Variants in WIPF3 observed in about 807,000 individuals in gnomAD.
The protein encoded by WIPF3 is WAS/WASL-interacting protein family member 3.
Under a neutral mutation model 38.9 loss-of-function variants are expected in WIPF3, and 33 were observed. That is an observed-to-expected ratio of 0.85 (90% CI 0.64 to 1.14). The LOEUF is 1.14. Ranked by LOEUF, WIPF3 falls within the 50% of genes most tolerant of loss-of-function variation. The probability of loss-of-function intolerance (pLI) is 0.00; values close to 1 mark genes in which losing one functional copy is unlikely to be tolerated. For missense variants in WIPF3, 711 were observed against 652.5 expected, an observed-to-expected ratio of 1.09 and a Z score of -0.98; for synonymous variants, 324 against 269.3, an observed-to-expected ratio of 1.20 and a Z score of -1.99.
intron 3 of WIPF3, among the ~76,000 whole-genome samples, chr7:29,877,556 T>C (rs1785628501): frequency 6.6e-6 from 1 of 152,186 alleles, no homozygotes; most frequent in Admixed American, 6.5e-5. Context: ...TAAGTACTTA[T>C]GTGTGAAGAA....
At chr7:29,821,707 G>A (rs1784539390) in intron 1 of WIPF3, among the ~76,000 whole-genome samples, 2 of 152,106 alleles carry the variant, frequency 1.3e-5, no homozygotes, top group African/African-American at 4.8e-5. Context: ...TTTTACTCAG[G>A]AAAACCAGTT....
chr7:29,833,629 G>A (rs1403988610), intron 1 of WIPF3, among the ~76,000 whole-genome samples: 1 of 152,174 alleles, frequency 6.6e-6, no homozygotes, highest in Non-Finnish European at 1.5e-5. Context: ...GGCCTCTGTG[G>A]AGACAAGAAT....
intron 2 of WIPF3, among the ~76,000 whole-genome samples, chr7:29,856,766 C>T (rs912754073): frequency 2.6e-5 from 4 of 152,050 alleles, no homozygotes; most frequent in African/African-American, 9.7e-5. Context: ...TGGGATGATA[C>T]CCTTAGACAG....
intron 6 of WIPF3, 98 bp downstream of exon 6, chr7:29,888,315 C>T (rs1785928073): frequency 5.5e-6 from 8 of 1,444,820 alleles, no homozygotes; most frequent in Non-Finnish European, 7.4e-6. Context: ...GCTGCCATCT[C>T]AGGGTGCATG....
Position 29,884,125 on chromosome 7 carries a change from A to C in WIPF3, c.631A>C (p.Asn211His). ...VSPPGPLTKG[N>H]LPVVAPPVPC... ...CCCACCCGGCCCACTGACCAAAGGG[A>C]ACCTCCCGGTGGTTGCACCCCCCGT... The change falls in exon 5 of 9, where the codon AAC becomes CAC. Residue 211 changes from asparagine (N) to histidine (H), a missense_variant. Asn to His is a moderately conservative substitution (Grantham distance 68, BLOSUM62 1). Transcript: ENST00000242140. The C allele has an allele frequency of 6.6e-7, 1 of 1,517,324 alleles. No individual in the cohort carries two copies. The highest frequency in any genetic ancestry group is 8.8e-7 in the Non-Finnish European group (1 of 1,131,630). 94.0% of individuals were successfully genotyped at this position (1,517,324 alleles called of 1,614,324 possible).
intron 1 of WIPF3, among the ~76,000 whole-genome samples, chr7:29,811,768 T>C (rs1784382966): frequency 6.6e-6 from 1 of 152,220 alleles, no homozygotes; most frequent in Non-Finnish European, 1.5e-5. Flanking sequence ...TTGACTGCAG[T>C]TCCGGAGACA....
In WIPF3 at chr7:29,844,263, G is replaced by A. The variant is rs1390443626; in HGVS notation, c.90+9449G>A. On this transcript the variant is annotated intron_variant, in intron 2 of 8. Coordinates refer to ENST00000242140, the MANE Select transcript of WIPF3 (RefSeq NM_001080529.3). The surrounding 1 kb of genome is among the most constrained non-coding windows in gnomAD (Gnocchi z 4.8). ...CTGCGTCTCCTCAGATGTCTACATG[G>A]AACATTTGTTTCTTTTATAATTAGA... Among the ~76,000 whole-genome samples the A allele has an allele frequency of 6.6e-6, 1 of 152,054 alleles. No homozygotes were observed. Among genetic ancestry groups the A allele is most frequent in the Non-Finnish European group, 1.5e-5 (1 of 68,010 alleles).
chr7:29,902,265 C>CTTTTTTTTTTTTTTT (rs141174377), intron 7 of WIPF3, among the ~76,000 whole-genome samples: 11 of 116,390 alleles, frequency 9.5e-5, no homozygotes, highest in African/African-American at 1.5e-4. Context: ...TTTTCTTCTT[C>CTTTTTTTTTTTTTTT]TTCTTCTTCT....
At chr7:29,811,427 T>C (rs891733345) in intron 1 of WIPF3, among the ~76,000 whole-genome samples, 1 of 152,102 alleles carries the variant, frequency 6.6e-6, no homozygotes, top group African/African-American at 2.4e-5. Context: ...GGTTAGAAAG[T>C]GAGATAAAAT....
intron 1 of WIPF3, among the ~76,000 whole-genome samples, chr7:29,818,948 A>G (rs1784497001): frequency 6.6e-6 from 1 of 152,186 alleles, no homozygotes; most frequent in Non-Finnish European, 1.5e-5. Flanking sequence ...ACATCTTTGC[A>G]TTTAAACCCT....
intron 8 of WIPF3, chr7:29,905,877 C>T (rs942050155): frequency 2.6e-5 from 4 of 151,916 alleles, no homozygotes; most frequent in Admixed American, 1.3e-4. Flanking sequence ...GATGAACATT[C>T]AAAGGCTACT....
chr7:29,824,203 G>A (rs1449474846), intron 1 of WIPF3, among the ~76,000 whole-genome samples: 1 of 152,220 alleles, frequency 6.6e-6, no homozygotes, highest in Non-Finnish European at 1.5e-5. Context: ...AGCTATTACG[G>A]ATGCTGAGGC....
chr7:29,834,358 G>A (rs1302259500), intron 1 of WIPF3, among the ~76,000 whole-genome samples: 1 of 151,954 alleles, frequency 6.6e-6, no homozygotes, highest in Non-Finnish European at 1.5e-5. Context: ...AATTATTATG[G>A]AATGAAGGAT....
Position 29,888,484 on chromosome 7 carries a change from AGTGTGTGTGCGTGTGC to A in WIPF3, c.1249+283_1249+298del, listed in dbSNP as rs1408603743. The stretch of plus-strand genomic sequence containing the variant: ...AGAAAAGCAGCATTTAAACTGTGTG[AGTGTGTGTGCGTGTGC>A]GTGTGTGTGCGTGTGTGTGTGTGTG... On this transcript the variant is annotated intron_variant, in intron 6 of 8. Coordinates refer to ENST00000242140, the MANE Select transcript of WIPF3 (RefSeq NM_001080529.3). 2.1e-3 allele frequency among the ~76,000 whole-genome samples: 305 copies of A among 143,650 alleles called. 1 individual carries two copies. The highest frequency in any genetic ancestry group is 7.8e-3 in the African/African-American group (299 of 38,238). 94.2% of individuals were successfully genotyped at this position (143,650 alleles called of 152,430 possible).
chr7:29,889,400 C>T lies in WIPF3; in HGVS notation c.1344C>T (p.Ile448=). 1.9e-6 allele frequency: 3 copies of T among 1,613,474 alleles called. No individual in the cohort carries two copies. Among genetic ancestry groups the T allele is most frequent in the Non-Finnish European group, 2.5e-6 (3 of 1,179,450 alleles). The part of the protein sequence containing the change: ...KPCQKIYPSK[I]PRSRTPGPWL... ...GCCAGAAGATTTACCCCAGCAAGAT[C>T]CCCAGAAGTAAGTACCACCTTGATA... Residue 448 remains isoleucine (I), a synonymous_variant, in exon 7 of 9, where the codon ATC becomes ATT. Coordinates refer to ENST00000242140, the MANE Select transcript of WIPF3 (RefSeq NM_001080529.3).
At chr7:29,840,994 G>A (rs1458299596) in intron 2 of WIPF3, among the ~76,000 whole-genome samples, 2 of 152,130 alleles carry the variant, frequency 1.3e-5, no homozygotes, top group Non-Finnish European at 2.9e-5. Flanking sequence ...CTAAACCGAC[G>A]TAGCAGGGGG....
chr7:29,911,305 G>A (rs1786501040), intron 8 of WIPF3, among the ~76,000 whole-genome samples: 1 of 152,122 alleles, frequency 6.6e-6, no homozygotes, highest in Admixed American at 6.5e-5. Flanking sequence ...TGGGTTAGAA[G>A]ACATTATTGT....
At chr7:29,884,742 T>A in intron 5 of WIPF3, 149 bp downstream of exon 5, 1 of 1,249,092 alleles carries the variant, frequency 8.0e-7, no homozygotes, top group South Asian at 1.6e-5. Context: ...ATGCTGCATG[T>A]AAGCAAGGGA....
intron 2 of WIPF3, among the ~76,000 whole-genome samples, chr7:29,866,099 C>T (rs190351745): frequency 6.6e-6 from 1 of 152,180 alleles, no homozygotes; most frequent in Non-Finnish European, 1.5e-5. Flanking sequence ...GTGGAGGTTG[C>T]GGTAAACCAA....
Sources: gnomAD v4.1 joint callset for allele counts (sites outside exome capture counted in the v4.1 genomes callset) on GRCh38, gnomAD v4.1.1 for gene constraint, Gnocchi (gnomAD v3.1) non-coding constraint, MANE v1.5 for transcripts, NCBI Gene and HGNC (gene_info 2026-07-23, HGNC 2026-07-21) for gene names.